PHF20L1: variants seen among roughly 807,000 people sequenced by gnomAD.
PHF20L1 encodes PHD finger protein 20-like protein 1.
PHF20L1 carries 44 observed loss-of-function variants against 125.5 expected under a neutral mutation model. The ratio of observed to expected loss-of-function variants is 0.35; its 90% CI spans 0.28 to 0.45. PHF20L1 has a LOEUF of 0.45. PHF20L1 is among the 20% of genes least tolerant of loss of function. The pLI, the probability that PHF20L1 is intolerant of heterozygous loss-of-function variation, is 1.00. For synonymous variants in PHF20L1, 380 were observed against 403.1 expected (o/e 0.94, Z 0.69); for missense variants, 1,012 against 1,217.2 (o/e 0.83, Z 2.51).
Position 132,825,310 on chromosome 8 carries a change from A to T in PHF20L1, c.1683A>T (p.Lys561Asn). The T allele has an allele frequency of 6.6e-7, 1 of 1,518,060 alleles. No individual in the cohort carries two copies. The allele number at this position is 1,518,060 out of a possible 1,614,324, so 94.0% of individuals were successfully genotyped here. The change falls in exon 14 of 21, where the codon AAA (lysine) becomes AAT (asparagine). Residue 561 changes from lysine to asparagine, a missense_variant. Transcript: ENST00000395386. ...AGGAAAGAAGAGAGAAGAGAGACAA[A>T]GATCACTACAGACCAAAACAGAAGA... ...KDKERREKRD[K>N]DHYRPKQKKK... is the part of the protein sequence containing the mutation.
At chr8:132,817,200 C>G in intron 11 of PHF20L1, 124 bp downstream of exon 11, 1 of 896,862 alleles carries the variant, frequency 1.1e-6, no homozygotes, top group East Asian at 2.6e-5. Flanking sequence ...ATAAGCACTT[C>G]ACTTATTCTA....
chr8:132,804,581 AT>A (rs1306298999), intron 7 of PHF20L1, 33 bp from the exon 8 acceptor site: 1 of 1,542,526 alleles, frequency 6.5e-7, no homozygotes, highest in Non-Finnish European at 8.8e-7. Context: ...TGGATTCTAG[AT>A]AAACTCTCAT....
At chr8:132,822,785 T>C (rs2131751518) in intron 12 of PHF20L1, among the ~76,000 whole-genome samples, 1 of 152,050 alleles carries the variant, frequency 6.6e-6, no homozygotes, top group Admixed American at 6.6e-5. Flanking sequence ...TTGAGTGGTA[T>C]TTTTATATTT....
intron 12 of PHF20L1, among the ~76,000 whole-genome samples, chr8:132,820,033 T>A (rs1238862482): frequency 2.0e-5 from 3 of 151,826 alleles, no homozygotes; most frequent in African/African-American, 7.2e-5. Flanking sequence ...TTTTCTTAAT[T>A]GTTTTCCAAT....
intron 17 of PHF20L1, 29 bp downstream of exon 17, chr8:132,837,840 C>A: frequency 6.8e-7 from 1 of 1,480,796 alleles, no homozygotes; most frequent in South Asian, 1.1e-5. Context: ...TGCTGATTGC[C>A]AGGATGCCTC....
intron 1 of PHF20L1, among the ~76,000 whole-genome samples, chr8:132,776,264 G>A (rs946276783): frequency 3.9e-5 from 6 of 151,956 alleles, no homozygotes; most frequent in Admixed American, 2.0e-4. Flanking sequence ...TGTCACTGGG[G>A]GATTATACTC....
At chr8:132,836,490 A>G (rs1471581238) in intron 15 of PHF20L1, 50 bp from the exon 16 acceptor site, 1 of 1,236,538 alleles carries the variant, frequency 8.1e-7, no homozygotes. Flanking sequence ...ATGAAAAATA[A>G]CATGAAAATA....
chr8:132,793,329 A>G (rs1831990295), intron 2 of PHF20L1, among the ~76,000 whole-genome samples: 2 of 152,310 alleles, frequency 1.3e-5, no homozygotes, highest in Non-Finnish European at 1.5e-5. Context: ...AAGAAGCTCT[A>G]CCGGAGAATG....
At chr8:132,843,126 A>C in intron 19 of PHF20L1, 1 of 1,163,356 alleles carries the variant, frequency 8.6e-7, no homozygotes, top group Non-Finnish European at 1.1e-6. Context: ...CAATTGTATA[A>C]GTACATTTCG....
chr8:132,815,419 T>C (rs1272916725), intron 10 of PHF20L1: 1 of 151,922 alleles, frequency 6.6e-6, no homozygotes, highest in African/African-American at 2.4e-5. Context: ...GTTAACGCAG[T>C]CTTTTTCGAA....
chr8:132,796,574 A>G (rs921901214), intron 4 of PHF20L1, among the ~76,000 whole-genome samples: 2 of 152,168 alleles, frequency 1.3e-5, no homozygotes, highest in African/African-American at 4.8e-5. Flanking sequence ...TGAAATCATG[A>G]ATATGGCTAT....
chr8:132,839,745 G>T (rs1837736064), intron 18 of PHF20L1, among the ~76,000 whole-genome samples, 163 bp downstream of exon 18: 1 of 152,210 alleles, frequency 6.6e-6, no homozygotes, highest in Non-Finnish European at 1.5e-5. Flanking sequence ...CAACCTTTTG[G>T]ATGCGTTGGT....
At chr8:132,825,499 T>A in intron 14 of PHF20L1, 128 bp downstream of exon 14, 1 of 690,622 alleles carries the variant, frequency 1.4e-6, no homozygotes, top group Non-Finnish European at 2.2e-6. Context: ...GAAAGGTTTC[T>A]GTAGCTTTCC....
chr8:132,801,643 T>C (rs1220957606), intron 6 of PHF20L1, among the ~76,000 whole-genome samples: 1 of 151,726 alleles, frequency 6.6e-6, no homozygotes, highest in Non-Finnish European at 1.5e-5. Flanking sequence ...AAATGTGTTA[T>C]ATTTGAGTGA....
chr8:132,785,278 G>A (rs1830886615), intron 2 of PHF20L1, among the ~76,000 whole-genome samples: 1 of 152,262 alleles, frequency 6.6e-6, no homozygotes, highest in Admixed American at 6.5e-5. Flanking sequence ...TTATTTTTTA[G>A]TTGGGGGTTG....
chr8:132,792,027 T>C (rs867331435), intron 2 of PHF20L1, among the ~76,000 whole-genome samples: 2 of 152,246 alleles, frequency 1.3e-5, no homozygotes, highest in African/African-American at 4.8e-5. Context: ...AAGATGTGTT[T>C]AACTCTGTTA....
intron 8 of PHF20L1, among the ~76,000 whole-genome samples, chr8:132,805,438 C>T (rs1833573796): frequency 2.6e-5 from 4 of 151,888 alleles, no homozygotes; most frequent in Admixed American, 2.0e-4. Context: ...GCCATTTCCA[C>T]AGTCTATTCA....
At chr8:132,790,071 A>G (rs933584466) in intron 2 of PHF20L1, among the ~76,000 whole-genome samples, 1 of 152,180 alleles carries the variant, frequency 6.6e-6, no homozygotes, top group Non-Finnish European at 1.5e-5. Flanking sequence ...ACTATTCTTT[A>G]ATTTAACAGC....
At chr8:132,811,006 A>AT (rs1215718736) in intron 8 of PHF20L1, 40 bp from the exon 9 acceptor site, 2 of 1,290,584 alleles carry the variant, frequency 1.5e-6, no homozygotes, top group Non-Finnish European at 2.3e-6. Context: ...GTAAATCAGT[A>AT]TTTTTTCTAA....
Sources: allele counts gnomAD v4.1 joint callset (sites outside exome capture counted in the v4.1 genomes callset), GRCh38; gene constraint gnomAD v4.1.1; transcripts MANE v1.5; gene names NCBI Gene and HGNC (gene_info 2026-07-23, HGNC 2026-07-21).